Variants in SPMIP7 observed in about 807,000 individuals in gnomAD.
The protein encoded by SPMIP7 is protein SPMIP7.
chr7:50,140,272 T>G, the SPMIP7 span: 1 of 677,114 alleles, frequency 1.5e-6, no homozygotes, highest in Non-Finnish European at 2.4e-6. Flanking sequence ...ATTCACTTTT[T>G]AAGACAACTT....
the SPMIP7 span, among the ~76,000 whole-genome samples, chr7:50,137,232 T>C: frequency 6.6e-6 from 1 of 152,140 alleles, no homozygotes; most frequent in East Asian, 1.9e-4. Context: ...CTAACATTAA[T>C]AGAACACAAA....
At chr7:50,136,164 T>C in the SPMIP7 span, 3 of 1,548,002 alleles carry the variant, frequency 1.9e-6, no homozygotes, top group East Asian at 2.4e-5. Flanking sequence ...ACCAATTAAT[T>C]TGTAAGTTTT....
the SPMIP7 span, among the ~76,000 whole-genome samples, chr7:50,138,537 T>C: frequency 1.5e-3 from 227 of 152,346 alleles, no homozygotes; most frequent in Non-Finnish European, 2.6e-3. Context: ...GAAGATCAAT[T>C]TGATCATCGC....
the SPMIP7 span, among the ~76,000 whole-genome samples, chr7:50,111,409 GAGAAT>G: frequency 3.9e-5 from 6 of 152,120 alleles, no homozygotes; most frequent in African/African-American, 1.4e-4. Flanking sequence ...CATAGCACAT[GAGAAT>G]CTGGCCAATG....
the SPMIP7 span, among the ~76,000 whole-genome samples, chr7:50,104,131 C>A: frequency 6.6e-6 from 1 of 152,120 alleles, no homozygotes; most frequent in Non-Finnish European, 1.5e-5. Context: ...TAATTCGGCT[C>A]ACATAGAAAT....
chr7:50,147,309 C>T, the SPMIP7 span, among the ~76,000 whole-genome samples: 1 of 152,116 alleles, frequency 6.6e-6, no homozygotes, highest in East Asian at 1.9e-4. Flanking sequence ...GGGAGTAATG[C>T]CAATGGTCCT....
At chr7:50,145,870 T>C in the SPMIP7 span, among the ~76,000 whole-genome samples, 1 of 151,408 alleles carries the variant, frequency 6.6e-6, no homozygotes. Context: ...GGTACCATCC[T>C]CCACTAAGTT....
At chr7:50,097,102 G>A in the SPMIP7 span, among the ~76,000 whole-genome samples, 1 of 152,184 alleles carries the variant, frequency 6.6e-6, no homozygotes, top group Admixed American at 6.5e-5. Flanking sequence ...CTGAAATGAA[G>A]CAAACTCTGC....
the SPMIP7 span, among the ~76,000 whole-genome samples, chr7:50,116,460 A>G: frequency 6.6e-6 from 1 of 152,380 alleles, no homozygotes; most frequent in East Asian, 1.9e-4. Context: ...TGTATTCTAA[A>G]TATCAGCAAG....
the SPMIP7 span, among the ~76,000 whole-genome samples, chr7:50,116,569 T>C: frequency 6.6e-6 from 1 of 152,166 alleles, no homozygotes; most frequent in Non-Finnish European, 1.5e-5. Flanking sequence ...ATGGCAAAAC[T>C]AGTAAATGTA....
chr7:50,105,170 A>G, the SPMIP7 span, among the ~76,000 whole-genome samples: 1 of 152,208 alleles, frequency 6.6e-6, no homozygotes, highest in Non-Finnish European at 1.5e-5. Context: ...AAGAATCCTA[A>G]GACATACACA....
At chr7:50,136,642 A>G in the SPMIP7 span, among the ~76,000 whole-genome samples, 28 of 152,212 alleles carry the variant, frequency 1.8e-4, no homozygotes, top group Admixed American at 1.8e-3. Context: ...AATAGATTAT[A>G]CATTATTTTC....
the SPMIP7 span, among the ~76,000 whole-genome samples, chr7:50,145,966 A>G: frequency 6.6e-6 from 1 of 152,124 alleles, no homozygotes; most frequent in Admixed American, 6.5e-5. Context: ...GCATTTGCAA[A>G]TAAAGAGGAA....
At chr7:50,113,791 A>C in the SPMIP7 span, among the ~76,000 whole-genome samples, 2 of 152,296 alleles carry the variant, frequency 1.3e-5, no homozygotes, top group East Asian at 3.9e-4. Flanking sequence ...CTAACTGATC[A>C]AAATTATAAA....
the SPMIP7 span, among the ~76,000 whole-genome samples, chr7:50,114,413 A>G: frequency 2.0e-5 from 3 of 152,112 alleles, no homozygotes; most frequent in East Asian, 5.8e-4. Context: ...TTTTTACACT[A>G]TTTTTGAAAT....
the SPMIP7 span, among the ~76,000 whole-genome samples, chr7:50,136,318 T>C: frequency 6.6e-6 from 1 of 152,180 alleles, no homozygotes; most frequent in Admixed American, 6.6e-5. Context: ...CTCACATCCT[T>C]AGGGCTGGGA....
the SPMIP7 span, among the ~76,000 whole-genome samples, chr7:50,112,129 A>C: frequency 6.6e-6 from 1 of 152,198 alleles, no homozygotes; most frequent in African/African-American, 2.4e-5. Flanking sequence ...CAAAGGAAAA[A>C]CAGAGAAAAC....
At chr7:50,123,340 T>A in the SPMIP7 span, among the ~76,000 whole-genome samples, 1 of 137,058 alleles carries the variant, frequency 7.3e-6, no homozygotes, top group South Asian at 2.4e-4. Flanking sequence ...CACCGCATAT[T>A]CTCACTCATA....
chr7:50,096,528 G>T, the SPMIP7 span: 3 of 1,551,798 alleles, frequency 1.9e-6, no homozygotes, highest in Admixed American at 5.9e-5. Flanking sequence ...CCAGACACAG[G>T]ATTTCAAACA....
Sources: gnomAD v4.1 joint callset for allele counts (sites outside exome capture counted in the v4.1 genomes callset) on GRCh38, gnomAD v4.1.1 for gene constraint, MANE v1.5 for transcripts, NCBI Gene and HGNC (gene_info 2026-07-23, HGNC 2026-07-21) for gene names.